Variants in NCAM2 observed in about 807,000 individuals in gnomAD.
NCAM2 encodes the protein neural cell adhesion molecule 2.
In NCAM2, 30 loss-of-function variants were observed where a neutral mutation model predicts 98.1. The ratio of observed to expected loss-of-function variants is 0.31; its 90% CI spans 0.23 to 0.41. The LOEUF (loss-of-function observed/expected upper bound fraction) is 0.41, where lower values mean the gene tolerates loss of function less well. NCAM2 is among the 10% of genes least tolerant of loss of function. NCAM2 has a pLI of 1.00. For missense variants in NCAM2, 867 were observed against 1,005.8 expected (o/e 0.86, Z 1.87); for synonymous variants, 368 against 342.4 (o/e 1.07, Z -0.83).
At chr21:21,373,411 T>A (rs1241208026) in intron 8 of NCAM2, among the ~76,000 whole-genome samples, 3 of 151,900 alleles carry the variant, frequency 2.0e-5, no homozygotes, top group Admixed American at 2.0e-4. Flanking sequence ...GCCATGTAAA[T>A]ATAGAGAGAA....
chr21:21,014,851 C>T (rs2146154858), intron 1 of NCAM2, among the ~76,000 whole-genome samples: 1 of 152,260 alleles, frequency 6.6e-6, no homozygotes, highest in Non-Finnish European at 1.5e-5. Flanking sequence ...CCATTAAGAA[C>T]ATTTGTGGTT....
rs566064160 is a variant in NCAM2, at chr21:21,091,373, G to A, written c.55+92755G>A. The stretch of plus-strand genomic sequence containing the variant: ...GAAATTTTTCATCCCTATTGCTCAC[G>A]TCCAAATGTGCCTGTAGCAAATCTT... On this transcript the variant is annotated intron_variant, in intron 1 of 17. Coordinates refer to ENST00000400546, the MANE Select transcript of NCAM2 (RefSeq NM_004540.5). Among the ~76,000 whole-genome samples, 340 of 151,904 alleles carry A rather than the reference G, an allele frequency of 2.2e-3. 1 individual carries two copies. Among genetic ancestry groups the A allele is most frequent in the Non-Finnish European group, 2.4e-3 (165 of 67,970 alleles).
rs531284245 is a variant in NCAM2, at chr21:21,158,550, G to A, written c.56-122028G>A. ...AACCCAAGAGGTGGAGGTTGCAGTA[G>A]GCTGAGATCGCACCACTGCTTTCCA... On this transcript the variant is annotated intron_variant, in intron 1 of 17. Coordinates refer to ENST00000400546, the MANE Select transcript of NCAM2 (RefSeq NM_004540.5). 3.0e-3 allele frequency among the ~76,000 whole-genome samples: 459 copies of A among 151,758 alleles called. 2 individuals carry two copies. Among genetic ancestry groups the A allele is most frequent in the African/African-American group, 0.011 (437 of 41,404 alleles).
chr21:21,134,522 A>G (rs1270596714), intron 1 of NCAM2, among the ~76,000 whole-genome samples: 1 of 152,198 alleles, frequency 6.6e-6, no homozygotes, highest in Non-Finnish European at 1.5e-5. Flanking sequence ...CTGAATATCT[A>G]CAGACACTTT....
Position 21,294,742 on chromosome 21 carries a change from G to A in NCAM2, c.619+2501G>A, listed in dbSNP as rs2073414475. On this transcript the variant is annotated intron_variant, in intron 5 of 17. Transcript: ENST00000400546. ...GCTTTTCTCTCACATTTTGCCTTAAGACAGAAAAATCATTTTACTCCAGTC... is the reference window on the plus strand; with the variant it reads ...GCTTTTCTCTCACATTTTGCCTTAAAACAGAAAAATCATTTTACTCCAGTC... 2.0e-5 allele frequency among the ~76,000 whole-genome samples: 3 copies of A among 151,576 alleles called. 1 individual carries two copies. The South Asian group carries it at 6.2e-4, about 31-fold the overall frequency.
At chr21:21,050,625 A>T (rs1217020803) in intron 1 of NCAM2, among the ~76,000 whole-genome samples, 1 of 152,180 alleles carries the variant, frequency 6.6e-6, no homozygotes, top group Non-Finnish European at 1.5e-5. Flanking sequence ...TCATCTTCGG[A>T]TTCCCAACAA....
At chr21:21,534,500 A>T in intron 16 of NCAM2, 37 bp from the exon 17 acceptor site, 1 of 1,456,334 alleles carries the variant, frequency 6.9e-7, no homozygotes, top group Non-Finnish European at 9.2e-7. Flanking sequence ...TCCATTTTTA[A>T]ATTACACAGG....
intron 1 of NCAM2, among the ~76,000 whole-genome samples, chr21:21,252,842 T>C (rs2071524156): frequency 6.6e-6 from 1 of 152,148 alleles, no homozygotes; most frequent in Non-Finnish European, 1.5e-5. Context: ...GCAGGGACAT[T>C]GCTATCTTAC....
chr21:21,331,633 G>A (rs2074711693), intron 6 of NCAM2, among the ~76,000 whole-genome samples: 1 of 82,456 alleles, frequency 1.2e-5, no homozygotes, highest in African/African-American at 5.0e-5. Context: ...CGTCGCCCAG[G>A]CTGGAGAGTG....
intron 15 of NCAM2, among the ~76,000 whole-genome samples, chr21:21,506,083 A>G: frequency 6.6e-6 from 1 of 152,094 alleles, no homozygotes; most frequent in East Asian, 1.9e-4. Flanking sequence ...TGTATAATAA[A>G]TCAGATATAT....
intron 1 of NCAM2, among the ~76,000 whole-genome samples, chr21:21,226,083 A>G (rs1465652228): frequency 6.6e-6 from 1 of 152,056 alleles, no homozygotes; most frequent in African/African-American, 2.4e-5. Context: ...GCATGTTCTC[A>G]CTTATAAGTA....
At chr21:21,444,093 C>T (rs1979723450) in intron 12 of NCAM2, among the ~76,000 whole-genome samples, 1 of 151,810 alleles carries the variant, frequency 6.6e-6, no homozygotes, top group Non-Finnish European at 1.5e-5. Context: ...TTGAGATTAT[C>T]GTGGTTTTTG....
intron 1 of NCAM2, among the ~76,000 whole-genome samples, chr21:21,187,388 G>A (rs1014167383): frequency 6.6e-6 from 1 of 151,754 alleles, no homozygotes; most frequent in Non-Finnish European, 1.5e-5. Context: ...ACTTTTTAAC[G>A]TTTCTTTCCC....
At chr21:21,364,352 C>G (rs2075730777) in intron 8 of NCAM2, among the ~76,000 whole-genome samples, 1 of 151,994 alleles carries the variant, frequency 6.6e-6, no homozygotes, top group Non-Finnish European at 1.5e-5. Context: ...ATATTTTACC[C>G]TTCTTGAACT....
chr21:21,258,000 C>G (rs1203847735), intron 1 of NCAM2, among the ~76,000 whole-genome samples: 3 of 152,106 alleles, frequency 2.0e-5, no homozygotes. Flanking sequence ...TATTATTGTT[C>G]TTGGTTTTTA....
chr21:21,281,245 C>T (rs970369942), intron 2 of NCAM2, among the ~76,000 whole-genome samples: 3 of 152,060 alleles, frequency 2.0e-5, no homozygotes, highest in Non-Finnish European at 2.9e-5. Context: ...CTGATAATAA[C>T]TTAAATCAAT....
At chr21:21,031,783 C>T (rs2064688085) in intron 1 of NCAM2, among the ~76,000 whole-genome samples, 1 of 145,294 alleles carries the variant, frequency 6.9e-6, no homozygotes, top group Non-Finnish European at 1.5e-5. Context: ...ATATATCTCT[C>T]TCTCTCAATC....
intron 16 of NCAM2, among the ~76,000 whole-genome samples, chr21:21,515,183 A>G (rs118174055): frequency 5.9e-5 from 9 of 152,302 alleles, no homozygotes; most frequent in African/African-American, 9.6e-5. Context: ...AGATTTACTT[A>G]TGAAGTGAAA....
chr21:21,284,544 T>C lies in NCAM2; in HGVS notation c.337+144T>C, dbSNP rs2073036948. ...TTTATTTATGCTTTACCAGAGTGTA[T>C]CTTAGAATAGAATAGCTAACAGATA... is the stretch of plus-strand genomic sequence containing the variant. On this transcript the variant is annotated intron_variant, in intron 3 of 17. Transcript: ENST00000400546. 9.1e-6 allele frequency: 6 copies of C among 655,750 alleles called. No individual in the cohort carries two copies. The East Asian group carries it at 1.1e-4, about 12-fold the overall frequency. 40.6% of individuals were successfully genotyped at this position (655,750 alleles called of 1,614,324 possible). A position where few individuals can be genotyped will look rare whatever the true frequency, so the allele number is the denominator to read the frequency against.
Sources: allele counts gnomAD v4.1 joint callset (sites outside exome capture counted in the v4.1 genomes callset), GRCh38; gene constraint gnomAD v4.1.1; transcripts MANE v1.5; gene names NCBI Gene and HGNC (gene_info 2026-07-23, HGNC 2026-07-21).